Variants in CDH12 observed in about 807,000 individuals in gnomAD.
The protein encoded by CDH12 is cadherin 12.
CDH12 carries 41 observed loss-of-function variants against 74.1 expected under a neutral mutation model. The ratio of observed to expected loss-of-function variants is 0.55; its 90% confidence interval spans 0.43 to 0.72. The LOEUF (loss-of-function observed/expected upper bound fraction) is 0.72. Among genes scored for constraint, CDH12 ranks in the 30% least tolerant of loss-of-function variants. The pLI is 0.00. For missense variants in CDH12, 945 were observed against 977.2 expected (o/e 0.97, Z 0.44); for synonymous variants, 399 against 355.0 (o/e 1.12, Z -1.39).
At chr5:22,180,516 T>G (rs1293417726) in intron 4 of CDH12, among the ~76,000 whole-genome samples, 1 of 152,024 alleles carries the variant, frequency 6.6e-6, no homozygotes, top group Non-Finnish European at 1.5e-5. Flanking sequence ...TTTTATTTTT[T>G]ATTTTTTATT....
intron 2 of CDH12, among the ~76,000 whole-genome samples, chr5:22,423,600 C>T (rs974001397): frequency 6.6e-6 from 1 of 151,558 alleles, no homozygotes; most frequent in Non-Finnish European, 1.5e-5. Flanking sequence ...GAGACAGTTA[C>T]TTGATCAAAA....
intron 8 of CDH12, among the ~76,000 whole-genome samples, chr5:21,836,462 A>AACAC (rs60658949): frequency 0.038 from 5,411 of 143,466 alleles, 234 homozygotes; most frequent in African/African-American, 0.094. Flanking sequence ...TAGAAAGGAA[A>AACAC]ACACACACAC....
chr5:22,198,826 T>A (rs1202391009), intron 4 of CDH12, among the ~76,000 whole-genome samples: 1 of 152,102 alleles, frequency 6.6e-6, no homozygotes, highest in African/African-American at 2.4e-5. Context: ...AGAATCACCC[T>A]CTTTACCAAT....
Position 22,445,063 on chromosome 5 carries a change from TA to T in CDH12, c.-427-39713del, listed in dbSNP as rs201257056. 9.2e-3 allele frequency among the ~76,000 whole-genome samples: 1,397 copies of T among 152,260 alleles called. 19 individuals carry two copies. The highest frequency in any genetic ancestry group is 0.032 in the African/African-American group (1,346 of 41,550). ...TAAAATAAATGGATTAACAATTTTT[TA>T]AATGTAGACAATGTAAATTAGCTAT... On this transcript the variant is annotated intron_variant, in intron 2 of 14. Coordinates refer to ENST00000382254, the MANE Select transcript of CDH12 (RefSeq NM_004061.5).
chr5:21,853,682 A>G (rs1428962332), intron 7 of CDH12, among the ~76,000 whole-genome samples: 1 of 151,682 alleles, frequency 6.6e-6, no homozygotes, highest in Non-Finnish European at 1.5e-5. Context: ...ACCTCTCAGG[A>G]AGTATCAATT....
intron 2 of CDH12, among the ~76,000 whole-genome samples, chr5:22,479,895 T>C (rs955145189): frequency 6.6e-6 from 1 of 152,184 alleles, no homozygotes; most frequent in African/African-American, 2.4e-5. Flanking sequence ...ACACATTAAA[T>C]TCTCAGTCTA....
At chr5:22,367,122 T>G (rs1741069667) in intron 3 of CDH12, among the ~76,000 whole-genome samples, 1 of 151,972 alleles carries the variant, frequency 6.6e-6, no homozygotes, top group Non-Finnish European at 1.5e-5. Context: ...TATTTTTGTG[T>G]TTTTTTTAAT....
chr5:22,216,597 T>C (rs1175334509), intron 3 of CDH12, among the ~76,000 whole-genome samples: 1 of 151,862 alleles, frequency 6.6e-6, no homozygotes, highest in African/African-American at 2.4e-5. Flanking sequence ...ATCAAGCTAA[T>C]ACTATCACAC....
intron 6 of CDH12, among the ~76,000 whole-genome samples, chr5:21,930,997 G>A: frequency 6.6e-6 from 1 of 152,250 alleles, no homozygotes; most frequent in East Asian, 1.9e-4. Context: ...GGGAAAACAG[G>A]TATGTGCCAA....
At chr5:22,164,935 G>A (rs1470398738) in intron 4 of CDH12, among the ~76,000 whole-genome samples, 2 of 143,384 alleles carry the variant, frequency 1.4e-5, no homozygotes, top group African/African-American at 2.6e-5. Flanking sequence ...ACATGACAAT[G>A]TTTAATAGGA....
At chr5:22,596,006 G>A (rs1352693376) in intron 1 of CDH12, among the ~76,000 whole-genome samples, 1 of 151,544 alleles carries the variant, frequency 6.6e-6, no homozygotes, top group Non-Finnish European at 1.5e-5. Flanking sequence ...TACTCAGGAG[G>A]CTGAGGTAGG....
At chr5:22,359,988 A>G (rs1740729707) in intron 3 of CDH12, among the ~76,000 whole-genome samples, 1 of 152,198 alleles carries the variant, frequency 6.6e-6, no homozygotes, top group African/African-American at 2.4e-5. Context: ...GGAAAGATCT[A>G]AAATTGACAC....
At chr5:21,961,722 C>T (rs1310458313) in intron 6 of CDH12, among the ~76,000 whole-genome samples, 1 of 152,160 alleles carries the variant, frequency 6.6e-6, no homozygotes, top group African/African-American at 2.4e-5. Context: ...GGAGAGATGT[C>T]TAGAACAGAT....
chr5:22,072,530 T>TTGTGTG (rs36214247), intron 5 of CDH12, among the ~76,000 whole-genome samples: 424 of 146,340 alleles, frequency 2.9e-3, no homozygotes, highest in Non-Finnish European at 4.2e-3. Flanking sequence ...TATAGCACTT[T>TTGTGTG]TGTGTGTGTG....
intron 1 of CDH12, among the ~76,000 whole-genome samples, chr5:22,762,553 A>G (rs13163974): frequency 3.3e-5 from 5 of 152,024 alleles, no homozygotes; most frequent in Non-Finnish European, 7.4e-5. Context: ...TTTTTGGAAG[A>G]CAGTCATTTA....
intron 1 of CDH12, among the ~76,000 whole-genome samples, chr5:22,615,622 A>T (rs546021669): frequency 6.6e-6 from 1 of 152,168 alleles, no homozygotes; most frequent in South Asian, 2.1e-4. Context: ...AGCCAAGGAA[A>T]GCAAAATAAA....
At chr5:22,421,195 T>A (rs887125447) in intron 2 of CDH12, among the ~76,000 whole-genome samples, 1 of 152,088 alleles carries the variant, frequency 6.6e-6, no homozygotes, top group African/African-American at 2.4e-5. Context: ...CTTTTTAAAA[T>A]TTTTTTATTA....
intron 9 of CDH12, among the ~76,000 whole-genome samples, chr5:21,809,344 C>T (rs188377098): frequency 9.2e-5 from 14 of 152,144 alleles, no homozygotes; most frequent in Admixed American, 8.5e-4. Context: ...AGTGATATTT[C>T]CCCTAAAAAA....
At position 22,507,248 on chromosome 5, in the gene CDH12, T is replaced by C. The variant is rs576986740; in HGVS notation, c.-522-1884A>G. On this transcript the variant is annotated intron_variant, in intron 1 of 14. Transcript: ENST00000382254. ...ACTGCTTTATAAGATCTAATATATT[T>C]TCTTCTATTGAGGCAACCTATTACT... 3.9e-4 allele frequency among the ~76,000 whole-genome samples: 60 copies of C among 152,280 alleles called. No individual in the cohort carries two copies. In the South Asian group the frequency reaches 0.012, roughly 31 times the overall value.
Sources: gnomAD v4.1 joint callset for allele counts (sites outside exome capture counted in the v4.1 genomes callset) on GRCh38, gnomAD v4.1.1 for gene constraint, MANE v1.5 for transcripts, NCBI Gene and HGNC (gene_info 2026-07-23, HGNC 2026-07-21) for gene names.